Variants in FOXP1 observed in about 807,000 individuals in gnomAD.
FOXP1 encodes forkhead box P1.
FOXP1 carries 15 observed loss-of-function variants against 98.2 expected under a neutral mutation model. The observed-to-expected ratio is 0.15, with a 90% CI of 0.10 to 0.24. The LOEUF (loss-of-function observed/expected upper bound fraction) is 0.24, where lower values mean the gene tolerates loss of function less well. Among genes scored for constraint, FOXP1 ranks in the 10% least tolerant of loss-of-function variants. FOXP1 has a pLI of 1.00. For synonymous variants in FOXP1, 371 were observed against 314.5 expected (o/e 1.18, Z -1.90); for missense variants, 633 against 848.5 (o/e 0.75, Z 3.15).
intron 3 of FOXP1, among the ~76,000 whole-genome samples, chr3:71,428,414 G>A (rs1419803748): frequency 1.3e-5 from 2 of 152,262 alleles, no homozygotes. Flanking sequence ...AGATATGCAT[G>A]CCAGTGCAAA....
At chr3:71,170,181 G>C (rs748667511) in intron 6 of FOXP1, among the ~76,000 whole-genome samples, 5 of 152,174 alleles carry the variant, frequency 3.3e-5, no homozygotes, top group Non-Finnish European at 5.9e-5. Flanking sequence ...AAGGCCATAT[G>C]TCTGTGTTTC....
At chr3:71,554,357 A>C (rs1559524529) in intron 2 of FOXP1, among the ~76,000 whole-genome samples, 1 of 152,146 alleles carries the variant, frequency 6.6e-6, no homozygotes, top group African/African-American at 2.4e-5. Context: ...TGTCTCTTTA[A>C]CAAATTTTTT....
intron 5 of FOXP1, among the ~76,000 whole-genome samples, chr3:71,247,239 T>G (rs1165136435): frequency 6.6e-6 from 1 of 152,156 alleles, no homozygotes; most frequent in African/African-American, 2.4e-5. Flanking sequence ...AAGGGGGAAA[T>G]CCTGCCAGGT....
In FOXP1 at chr3:71,384,333, G is replaced by C. The variant is rs1164826067; in HGVS notation, c.-167-25089C>G. Among the ~76,000 whole-genome samples the C allele has an allele frequency of 2.0e-5, 3 of 152,294 alleles. No homozygotes were observed. The East Asian group carries it at 5.8e-4, about 29-fold the overall frequency. Reference sequence around the variant, plus strand: ...CCCTAAACTTCCACGGTCTGTGTGAGCTGTGTGGAAGGAAATTGTGGAAAG... The same window carrying C: ...CCCTAAACTTCCACGGTCTGTGTGACCTGTGTGGAAGGAAATTGTGGAAAG... On this transcript the variant is annotated intron_variant, in intron 3 of 20. Coordinates refer to ENST00000649528, the MANE Select transcript of FOXP1 (RefSeq NM_001349338.3).
At chr3:71,449,468 A>G (rs900125927) in intron 3 of FOXP1, among the ~76,000 whole-genome samples, 1 of 152,198 alleles carries the variant, frequency 6.6e-6, no homozygotes, top group Non-Finnish European at 1.5e-5. Flanking sequence ...GCAACATTAC[A>G]ACACATCTTT....
At chr3:71,537,998 A>G (rs1216510070) in intron 2 of FOXP1, among the ~76,000 whole-genome samples, 1 of 152,188 alleles carries the variant, frequency 6.6e-6, no homozygotes, top group African/African-American at 2.4e-5. Context: ...TTGCACTACA[A>G]TGGCAAAACT....
chr3:71,024,688 T>A (rs1229515998), intron 11 of FOXP1, among the ~76,000 whole-genome samples: 2 of 152,222 alleles, frequency 1.3e-5, no homozygotes, highest in Non-Finnish European at 2.9e-5. Flanking sequence ...TGAGTAAAAC[T>A]TGCAATTGGA....
At chr3:71,553,459 A>C (rs2045914166) in intron 2 of FOXP1, among the ~76,000 whole-genome samples, 1 of 152,172 alleles carries the variant, frequency 6.6e-6, no homozygotes, top group Non-Finnish European at 1.5e-5. Context: ...AGGCTTCCAA[A>C]TACAGTTACA....
intron 4 of FOXP1, among the ~76,000 whole-genome samples, chr3:71,348,548 T>C (rs62245966): frequency 0.44 from 57,828 of 131,828 alleles, 13,106 homozygotes; most frequent in East Asian, 0.73. Flanking sequence ...TGTGTGTGTG[T>C]GCGTGCGCGC....
chr3:70,992,608 A>G (rs2107537473), intron 13 of FOXP1, among the ~76,000 whole-genome samples: 1 of 152,238 alleles, frequency 6.6e-6, no homozygotes, highest in East Asian at 1.9e-4. Context: ...TGGGCAATAT[A>G]TGGCTCATTG....
At chr3:71,239,506 T>A (rs1350116700) in intron 5 of FOXP1, among the ~76,000 whole-genome samples, 1 of 152,172 alleles carries the variant, frequency 6.6e-6, no homozygotes, top group Non-Finnish European at 1.5e-5. Flanking sequence ...ATCACGCCAC[T>A]GCATTCCAGC....
chr3:70,975,771 T>A (rs2037366572), intron 17 of FOXP1, among the ~76,000 whole-genome samples: 1 of 152,152 alleles, frequency 6.6e-6, no homozygotes, highest in South Asian at 2.1e-4. Context: ...TGTCCCCTTC[T>A]ATAAGCAAGA....
In FOXP1 at chr3:71,288,587, T is replaced by C. The variant is rs75021056; in HGVS notation, c.-12+11233A>G. Among the ~76,000 whole-genome samples, 896 of 152,326 alleles carry C rather than the reference T, an allele frequency of 5.9e-3. 11 individuals are homozygous for C. Among genetic ancestry groups the C allele is most frequent in the African/African-American group, 0.021 (867 of 41,562 alleles). ...ATGATTACAATCGACATATTCTAAG[T>C]TAGGGCTATAAACACATCCCACTTT... On this transcript the variant is annotated intron_variant, in intron 5 of 20. Transcript: ENST00000649528.
intron 5 of FOXP1, among the ~76,000 whole-genome samples, chr3:71,262,137 G>A (rs979126016): frequency 1.3e-5 from 2 of 151,368 alleles, no homozygotes; most frequent in African/African-American, 4.9e-5. Flanking sequence ...ATGGTGGCAC[G>A]CACCTGTAAT....
chr3:70,976,416 T>G (rs1023046442), intron 17 of FOXP1, among the ~76,000 whole-genome samples: 1 of 152,140 alleles, frequency 6.6e-6, no homozygotes, highest in Non-Finnish European at 1.5e-5. Context: ...TAATAATACA[T>G]TGTGTTCTCC....
At chr3:71,507,269 T>C (rs2041893454) in intron 2 of FOXP1, among the ~76,000 whole-genome samples, 1 of 152,148 alleles carries the variant, frequency 6.6e-6, no homozygotes, top group Admixed American at 6.5e-5. Flanking sequence ...AGTTGGGTGG[T>C]GATATGCTTC....
chr3:71,184,434 G>C (rs978599623), intron 6 of FOXP1, among the ~76,000 whole-genome samples: 3 of 152,196 alleles, frequency 2.0e-5, no homozygotes, highest in African/African-American at 7.2e-5. Context: ...TCTGTAGTTA[G>C]AAGAATTTCA....
intron 5 of FOXP1, among the ~76,000 whole-genome samples, chr3:71,241,309 C>T (rs1390559390): frequency 6.6e-6 from 1 of 152,100 alleles, no homozygotes. Context: ...GAAAGCAACA[C>T]AATTTGTGAC....
In FOXP1 at chr3:71,286,246, G is replaced by C. The variant is rs955448375; in HGVS notation, c.-12+13574C>G. On this transcript the variant is annotated intron_variant, in intron 5 of 20. Transcript: ENST00000649528. ...GTGTGGCACATGACTGTACTTCATT[G>C]ATTGGCCATTTGGGGATTTTAGAAT... Among the ~76,000 whole-genome samples, 7 of 152,146 alleles carry C rather than the reference G, an allele frequency of 4.6e-5. No individual in the cohort carries two copies. The East Asian group carries it at 9.7e-4, about 21-fold the overall frequency.
Sources: allele counts gnomAD v4.1 joint callset (sites outside exome capture counted in the v4.1 genomes callset), GRCh38; gene constraint gnomAD v4.1.1; transcripts MANE v1.5; gene names NCBI Gene and HGNC (gene_info 2026-07-23, HGNC 2026-07-21).